ILKAP: variants seen among roughly 807,000 people sequenced by gnomAD.
The protein encoded by ILKAP is ILK associated serine/threonine phosphatase.
Under a neutral mutation model 49.1 loss-of-function variants are expected in ILKAP, and 11 were observed. That is an observed-to-expected ratio of 0.22 (90% CI 0.14 to 0.37). The LOEUF is 0.37. Ranked by LOEUF, ILKAP falls within the 10% of genes least tolerant of loss-of-function variation. The pLI, the probability that ILKAP is intolerant of heterozygous loss-of-function variation, is 1.00. For synonymous variants in ILKAP, 186 were observed against 192.8 expected, an observed-to-expected ratio of 0.96 and a Z score of 0.29; for missense variants, 363 against 510.8, an observed-to-expected ratio of 0.71 and a Z score of 2.79.
intron 1 of ILKAP, among the ~76,000 whole-genome samples, chr2:238,195,932 A>ACTCAGTAG (rs1242922943): frequency 4.7e-5 from 7 of 149,956 alleles, no homozygotes; most frequent in Middle Eastern, 3.5e-3. Context: ...AGTCCAAGCT[A>ACTCAGTAG]CTCAGTAGGC....
chr2:238,177,391 CTGTTG>C, intron 9 of ILKAP, among the ~76,000 whole-genome samples: 1 of 152,262 alleles, frequency 6.6e-6, no homozygotes, highest in Non-Finnish European at 1.5e-5. Context: ...TATATTCACA[CTGTTG>C]TGTTATCAGC....
At chr2:238,183,455 CCAGAGAA>C in intron 8 of ILKAP, among the ~76,000 whole-genome samples, 191 bp downstream of exon 8, 1 of 152,270 alleles carries the variant, frequency 6.6e-6, no homozygotes, top group East Asian at 1.9e-4. Flanking sequence ...CGTAAGTTCC[CCAGAGAA>C]CAAACAGCCT....
intron 9 of ILKAP, among the ~76,000 whole-genome samples, chr2:238,178,391 G>A (rs548544152): frequency 1.3e-5 from 2 of 152,138 alleles, no homozygotes; most frequent in Non-Finnish European, 2.9e-5. Flanking sequence ...GTCTCACTGC[G>A]TTGCCCAGGC....
At chr2:238,193,050 A>C (rs1054614400) in intron 3 of ILKAP, among the ~76,000 whole-genome samples, 1 of 152,206 alleles carries the variant, frequency 6.6e-6, no homozygotes, top group Non-Finnish European at 1.5e-5. Flanking sequence ...TAGAAATCTA[A>C]AACACTAGAC....
At chr2:238,181,034 A>G (rs1338854649) in intron 9 of ILKAP, among the ~76,000 whole-genome samples, 1 of 152,214 alleles carries the variant, frequency 6.6e-6, no homozygotes, top group Non-Finnish European at 1.5e-5. Context: ...ATCACTGCTC[A>G]TGTAAACTGC....
At chr2:238,202,186 C>T (rs1446972894) in intron 1 of ILKAP, among the ~76,000 whole-genome samples, 1 of 152,202 alleles carries the variant, frequency 6.6e-6, no homozygotes, top group Non-Finnish European at 1.5e-5. Flanking sequence ...CCATTGCACT[C>T]CAGCCTGGGC....
chr2:238,179,798 T>C (rs1354179823), intron 9 of ILKAP, among the ~76,000 whole-genome samples: 4 of 152,186 alleles, frequency 2.6e-5, no homozygotes, highest in African/African-American at 9.7e-5. Context: ...ATAGGAAATA[T>C]ACAGAAATAA....
At chr2:238,176,124 G>T in intron 9 of ILKAP, among the ~76,000 whole-genome samples, 2 of 126,156 alleles carry the variant, frequency 1.6e-5, no homozygotes, top group South Asian at 2.7e-4. Flanking sequence ...ACAATGCTTA[G>T]CAAGTAGTGG....
intron 5 of ILKAP, chr2:238,186,119 T>C (rs1207267172): frequency 1.3e-5 from 2 of 152,240 alleles, no homozygotes; most frequent in African/African-American, 2.4e-5. Context: ...CAGAAATGCA[T>C]TGTTAGGTGA....
At chr2:238,182,297 G>C (rs990282058) in intron 8 of ILKAP, 111 bp from the exon 9 acceptor site, 94 of 1,295,768 alleles carry the variant, frequency 7.3e-5, no homozygotes, top group Admixed American at 3.8e-4. Context: ...GTTAACAATG[G>C]AGTTTCACAT....
At chr2:238,197,415 G>A (rs994766367) in intron 1 of ILKAP, among the ~76,000 whole-genome samples, 23 of 152,054 alleles carry the variant, frequency 1.5e-4, no homozygotes, top group African/African-American at 5.6e-4. Flanking sequence ...ACAAGGGAGG[G>A]GACATTTACA....
chr2:238,181,060 A>T (rs1693672797), intron 9 of ILKAP, among the ~76,000 whole-genome samples: 1 of 152,204 alleles, frequency 6.6e-6, no homozygotes, highest in Non-Finnish European at 1.5e-5. Flanking sequence ...CCGTGAATGA[A>T]ACTGCTTCTT....
At chr2:238,171,122 C>A (rs1574774775) in intron 10 of ILKAP, 98 bp from the exon 11 acceptor site, 1 of 825,814 alleles carries the variant, frequency 1.2e-6, no homozygotes, top group Non-Finnish European at 2.0e-6. Context: ...AAATATTTGT[C>A]CAACTATTCA....
intron 9 of ILKAP, among the ~76,000 whole-genome samples, chr2:238,175,593 A>AAGGCCAATCACAGAGTCCC (rs1363831419): frequency 1.3e-5 from 2 of 152,162 alleles, no homozygotes; most frequent in Non-Finnish European, 2.9e-5. Flanking sequence ...CAGTTCAACA[A>AAGGCCAATCACAGAGTCCC]AGGCCAATCA....
intron 9 of ILKAP, among the ~76,000 whole-genome samples, chr2:238,180,599 CAGG>C (rs140847777): frequency 0.023 from 3,512 of 152,354 alleles, 40 homozygotes; most frequent in South Asian, 0.061. Context: ...TGGCCTCAGG[CAGG>C]AGAACAGACC....
At chr2:238,171,498 C>T (rs1467683081) in intron 10 of ILKAP, among the ~76,000 whole-genome samples, 1 of 152,138 alleles carries the variant, frequency 6.6e-6, no homozygotes, top group Non-Finnish European at 1.5e-5. Context: ...ATTTCTGAGA[C>T]AAAGGTTTAA....
rs1034304465 is a variant in ILKAP at position 238,195,878 on chromosome 2, GA to G, written c.56-1009del. On this transcript the variant is annotated intron_variant, in intron 1 of 11. Transcript: ENST00000254654. ...GACAACATGGCAAAAAAATGTCTAT[GA>G]AAAAAATACAAAAATTAGCCAGGTG... is the stretch of plus-strand genomic sequence containing the variant. Among the ~76,000 whole-genome samples the G allele has an allele frequency of 1.3e-4, 19 of 151,484 alleles. No individual in the cohort carries two copies. The Middle Eastern group carries it at 0.01, about 81-fold the overall frequency.
At chr2:238,183,765 C>G in intron 7 of ILKAP, 25 bp from the exon 8 acceptor site, 1 of 1,548,608 alleles carries the variant, frequency 6.5e-7, no homozygotes, top group African/African-American at 1.4e-5. Flanking sequence ...ATCAGAAACA[C>G]AGTCACCACC....
Position 238,170,525 on chromosome 2 carries a change from C to T in ILKAP, c.*11G>A, listed in dbSNP as rs768377595. 27 of 1,582,242 alleles carry T rather than the reference C, an allele frequency of 1.7e-5. No homozygotes were observed. Among genetic ancestry groups the T allele is most frequent in the South Asian group, 4.5e-5 (4 of 88,842 alleles). ...TCAATACCATGCGTGCTCCTGGCCG[C>T]GCGCCACCCCTCAGTGCCCTATCCG... On this transcript the variant is annotated 3_prime_UTR_variant, in exon 12 of 12. Transcript: ENST00000254654.
Sources: allele counts gnomAD v4.1 joint callset (sites outside exome capture counted in the v4.1 genomes callset), GRCh38; gene constraint gnomAD v4.1.1; transcripts MANE v1.5; gene names NCBI Gene and HGNC (gene_info 2026-07-23, HGNC 2026-07-21).